Variants in RCBTB2 observed in about 807,000 individuals in gnomAD.
The protein encoded by RCBTB2 is RCC1 and BTB domain containing protein 2.
In RCBTB2, 55 loss-of-function variants were observed where a neutral mutation model predicts 65.4. The observed-to-expected ratio is 0.84, with a 90% CI of 0.68 to 1.05. The LOEUF is 1.05. Ranked by LOEUF, RCBTB2 falls within the 50% of genes least tolerant of loss-of-function variation. The pLI, the probability that RCBTB2 is intolerant of heterozygous loss-of-function variation, is 0.00. For missense variants in RCBTB2, 599 were observed against 680.1 expected (o/e 0.88, Z 1.33); for synonymous variants, 220 against 255.2 (o/e 0.86, Z 1.31).
intron 4 of RCBTB2, among the ~76,000 whole-genome samples, chr13:48,521,259 C>T (rs191880687): frequency 7.2e-5 from 11 of 152,322 alleles, no homozygotes; most frequent in Middle Eastern, 3.4e-3. Context: ...TCTTTGTATA[C>T]AATGCTGGCT....
rs993724409 is a variant in RCBTB2, at chr13:48,496,136, A to T, written c.1515+55T>A. 39 of 1,397,690 alleles carry T rather than the reference A, an allele frequency of 2.8e-5. No individual in the cohort carries two copies. The South Asian group carries it at 5.2e-4, about 19-fold the overall frequency. The allele number at this position is 1,397,690 out of a possible 1,614,324, so 86.6% of individuals were successfully genotyped here. A position where few individuals can be genotyped will look rare whatever the true frequency, so the allele number is the denominator to read the frequency against. ...TCTTTTAGTTTAAGGTACGAGGCAG[A>T]CACCTGGGTTCCATTTCTCCAGGAG... On this transcript the variant is annotated intron_variant, in intron 14 of 14. Transcript: ENST00000344532.
At chr13:48,515,549 A>C in intron 5 of RCBTB2, 37 bp downstream of exon 5, 1 of 1,546,694 alleles carries the variant, frequency 6.5e-7, no homozygotes, top group Non-Finnish European at 8.7e-7. Context: ...TCCATTTCTA[A>C]AAATGTGAGT....
chr13:48,502,735 A>T lies in RCBTB2; in HGVS notation c.1106T>A (p.Leu369His). Residue 369 changes from leucine (L) to histidine (H), a missense_variant, in exon 11 of 15, where the codon CTC (leucine) becomes CAC (histidine). Physicochemically the swap from Leu to His is moderately conservative, Grantham distance 99. Transcript: ENST00000344532. The stretch of plus-strand genomic sequence containing the variant: ...AGTGACCAGCTTACCCACGGAGAGG[A>T]GGCGCCACGTGACGGCGGGCGTGGC... ...CFATPAVTWR[L>H]LSVEPDDHLT... 6.2e-7 allele frequency: 1 copy of T among 1,610,978 alleles called. No homozygotes were observed. The highest frequency in any genetic ancestry group is 8.5e-7 in the Non-Finnish European group (1 of 1,178,030).
At chr13:48,490,517 G>A (rs41284770) in intron 14 of RCBTB2, among the ~76,000 whole-genome samples, 620 of 152,306 alleles carry the variant, frequency 4.1e-3, no homozygotes, top group Non-Finnish European at 7.2e-3. Context: ...TTTCTTCCCA[G>A]AGATAGGCAT....
Position 48,489,914 on chromosome 13 carries a change from A to G in RCBTB2, c.*197T>C, listed in dbSNP as rs951479285. 1.6e-6 allele frequency: 1 copy of G among 628,166 alleles called. No homozygotes were observed. Among genetic ancestry groups the G allele is most frequent in the Non-Finnish European group, 2.8e-6 (1 of 359,000 alleles). The allele number at this position is 628,166 out of a possible 1,614,324, so 38.9% of individuals were successfully genotyped here. ...TTTTCCTTGACCTTAGTCACATCTG[A>G]TCAGAACATTCAATGCTTTCTACAT... On this transcript the variant is annotated 3_prime_UTR_variant, in exon 15 of 15. Transcript: ENST00000344532.
chr13:48,491,390 A>G (rs895709294), intron 14 of RCBTB2, among the ~76,000 whole-genome samples: 10 of 152,348 alleles, frequency 6.6e-5, no homozygotes, highest in Admixed American at 5.9e-4. Flanking sequence ...CCACACCAGC[A>G]ATATGATGTG....
intron 13 of RCBTB2, 36 bp from the exon 14 acceptor site, chr13:48,496,357 T>G: frequency 6.7e-7 from 1 of 1,496,036 alleles, no homozygotes; most frequent in Non-Finnish European, 8.9e-7. Context: ...GGGAGTGATT[T>G]CAAGCATCCT....
rs1950244908 is a variant in RCBTB2 at position 48,501,748 on chromosome 13, T to C, written c.1238A>G (p.Lys413Arg). 1.2e-6 allele frequency: 2 copies of C among 1,610,824 alleles called. No individual in the cohort carries two copies. The highest frequency in any genetic ancestry group is 1.7e-6 in the Non-Finnish European group (2 of 1,177,748). The change falls in exon 12 of 15, where the codon AAG (lysine) becomes AGG (arginine). Residue 413 changes from lysine to arginine, a missense_variant. Physicochemically the swap from Lys to Arg is conservative, Grantham distance 26 (BLOSUM62 2). Coordinates refer to ENST00000344532, the MANE Select transcript of RCBTB2 (RefSeq NM_001268.4). ...CAAATAAATGATTCCTTACCGAATCTTGAGAAGGACTTTATGTGCATAAAT... is the reference window on the plus strand; with the variant it reads ...CAAATAAATGATTCCTTACCGAATCCTGAGAAGGACTTTATGTGCATAAAT... ...KYIYAHKVLL[K>R]IRCEHFRSSL...
rs7321483 is a variant in RCBTB2, at chr13:48,496,164, C to T, written c.1515+27G>A. ...CCTGGGTTCCATTTCTCCAGGAGGC[C>T]GGCAGCTGGAAGCAAGCTTTCCTTA... is the stretch of plus-strand genomic sequence containing the variant. On this transcript the variant is annotated intron_variant, in intron 14 of 14. Coordinates refer to ENST00000344532, the MANE Select transcript of RCBTB2 (RefSeq NM_001268.4). 2,785 of 1,422,192 alleles carry T rather than the reference C, an allele frequency of 2.0e-3. 42 individuals carry two copies. In the African/African-American group the frequency reaches 0.036, roughly 18 times the overall value. 88.1% of individuals were successfully genotyped at this position (1,422,192 alleles called of 1,614,324 possible).
chr13:48,498,318 T>G (rs1434195126), intron 13 of RCBTB2, among the ~76,000 whole-genome samples: 1 of 152,252 alleles, frequency 6.6e-6, no homozygotes, highest in African/African-American at 2.4e-5. Flanking sequence ...TTGGACATAT[T>G]TTTATCTGAA....
upstream of RCBTB2, chr13:48,535,535 T>C (rs977373032): frequency 2.5e-6 from 1 of 398,362 alleles, no homozygotes. Flanking sequence ...AGATTATAGA[T>C]GTGAGCTATC....
At position 48,496,331 on chromosome 13, in the gene RCBTB2, A is replaced by G. The variant is rs1949969369; in HGVS notation, c.1385-10T>C. 6.5e-7 allele frequency: 1 copy of G among 1,542,968 alleles called. No homozygotes were observed. Among genetic ancestry groups the G allele is most frequent in the Non-Finnish European group, 8.7e-7 (1 of 1,144,566 alleles). On this transcript the variant is annotated splice_polypyrimidine_tract_variant and intron_variant, in intron 13 of 14. Transcript: ENST00000344532. Reference sequence around the variant, plus strand: ...GCCAAGTCTAGCAGTCCTGGCGGAAAGAGGTGTTTATTAGGGGGAGTGATT... The same window carrying G: ...GCCAAGTCTAGCAGTCCTGGCGGAAGGAGGTGTTTATTAGGGGGAGTGATT...
chr13:48,510,605 G>C (rs1230777885), intron 10 of RCBTB2, 24 bp downstream of exon 10: 56 of 1,612,166 alleles, frequency 3.5e-5, no homozygotes, highest in Non-Finnish European at 4.7e-5. Context: ...ACCAGTGTGG[G>C]GACTGTGAAA....
intron 4 of RCBTB2, among the ~76,000 whole-genome samples, chr13:48,517,702 T>C (rs1255455622): frequency 6.6e-6 from 1 of 152,226 alleles, no homozygotes; most frequent in Non-Finnish European, 1.5e-5. Context: ...ATAATCTTCA[T>C]GGCACTATTG....
chr13:48,522,292 A>T lies in RCBTB2; in HGVS notation c.-24+16T>A, dbSNP rs1295467384. On this transcript the variant is annotated intron_variant, in intron 3 of 14. Transcript: ENST00000344532. ...CAGAGTTGACTTCCTGTGATAAGGA[A>T]AAATAAATTTTAGACCTTTGTCAAC... 9 of 1,479,998 alleles carry T rather than the reference A, an allele frequency of 6.1e-6. No individual in the cohort carries two copies. The highest frequency in any genetic ancestry group is 7.3e-6 in the Non-Finnish European group (8 of 1,096,432). 91.7% of individuals were successfully genotyped at this position (1,479,998 alleles called of 1,614,324 possible). A position where few individuals can be genotyped will look rare whatever the true frequency, so the allele number is the denominator to read the frequency against.
upstream of RCBTB2, among the ~76,000 whole-genome samples, chr13:48,534,221 T>C (rs1230028694): frequency 4.6e-5 from 7 of 152,358 alleles, no homozygotes; most frequent in African/African-American, 1.7e-4. Context: ...AGGCATCGTG[T>C]GCCTGCCCCA....
intron 1 of RCBTB2, among the ~76,000 whole-genome samples, chr13:48,528,722 CA>C (rs1268490392): frequency 1.1e-4 from 16 of 151,896 alleles, no homozygotes; most frequent in Admixed American, 1.0e-3. Context: ...TTTTCACTTG[CA>C]AAAAGGGATA....
chr13:48,503,931 T>C (rs1950367160), intron 10 of RCBTB2, among the ~76,000 whole-genome samples: 1 of 152,164 alleles, frequency 6.6e-6, no homozygotes, highest in Non-Finnish European at 1.5e-5. Flanking sequence ...CCATACAGAT[T>C]GAAGGAAAAT....
intron 13 of RCBTB2, 65 bp from the exon 14 acceptor site, chr13:48,496,386 C>T: frequency 7.0e-7 from 1 of 1,429,754 alleles, no homozygotes; most frequent in Non-Finnish European, 9.3e-7. Flanking sequence ...GTTGCTCACT[C>T]AGCCACTCAG....
Sources: gnomAD v4.1 joint callset for allele counts (sites outside exome capture counted in the v4.1 genomes callset) on GRCh38, gnomAD v4.1.1 for gene constraint, MANE v1.5 for transcripts, NCBI Gene and HGNC (gene_info 2026-07-23, HGNC 2026-07-21) for gene names.